Variants in KDM7A observed in about 807,000 individuals in gnomAD.
The protein encoded by KDM7A is lysine demethylase 7A.
KDM7A carries 28 observed loss-of-function variants against 114.8 expected under a neutral mutation model. The observed-to-expected ratio is 0.24, with a 90% confidence interval of 0.18 to 0.33. KDM7A has a LOEUF of 0.33. Ranked by LOEUF, KDM7A falls within the 10% of genes least tolerant of loss-of-function variation. The pLI, the probability that KDM7A is intolerant of heterozygous loss-of-function variation, is 1.00. For synonymous variants in KDM7A, 423 were observed against 397.8 expected, an observed-to-expected ratio of 1.06 and a Z score of -0.75; for missense variants, 942 against 1,142.5, an observed-to-expected ratio of 0.82 and a Z score of 2.53.
At chr7:140,138,404 AAAGATTCTG>A (rs1319215310) in intron 2 of KDM7A, among the ~76,000 whole-genome samples, 11 of 152,212 alleles carry the variant, frequency 7.2e-5, no homozygotes, top group African/African-American at 2.4e-4. Flanking sequence ...AGCACCTGTA[AAAGATTCTG>A]AAGCATCTGT....
chr7:140,168,098 T>C (rs1794597946), intron 1 of KDM7A, among the ~76,000 whole-genome samples: 1 of 152,210 alleles, frequency 6.6e-6, no homozygotes, highest in Non-Finnish European at 1.5e-5. Context: ...ATTAAAAACA[T>C]GACAACACAT....
intron 1 of KDM7A, among the ~76,000 whole-genome samples, chr7:140,173,935 G>C (rs1194520193): frequency 6.6e-6 from 1 of 152,068 alleles, no homozygotes; most frequent in Admixed American, 6.6e-5. Flanking sequence ...AGGCCGAGGT[G>C]GGCGGATAAC....
chr7:140,139,059 C>G (rs759762722), intron 2 of KDM7A, 46 bp downstream of exon 2: 1 of 1,243,590 alleles, frequency 8.0e-7, no homozygotes, highest in Non-Finnish European at 1.2e-6. Context: ...TTTGAAATGT[C>G]AGTTTTTCTG....
intron 3 of KDM7A, among the ~76,000 whole-genome samples, chr7:140,133,302 A>G (rs1818819258): frequency 6.6e-6 from 1 of 152,206 alleles, no homozygotes; most frequent in African/African-American, 2.4e-5. Flanking sequence ...TTACAGGGTG[A>G]CCCAGTGTGC....
At chr7:140,154,577 C>T (rs145480628) in intron 1 of KDM7A, among the ~76,000 whole-genome samples, 3 of 151,146 alleles carry the variant, frequency 2.0e-5, no homozygotes, top group Admixed American at 2.0e-4. Flanking sequence ...TTCCACAGTT[C>T]GTAAGAGAAA....
rs181168200 is a variant in KDM7A at position 140,134,911 on chromosome 7, G to A, written c.281-1255C>T. Among the ~76,000 whole-genome samples, 11 of 151,552 alleles carry A rather than the reference G, an allele frequency of 7.3e-5. No homozygotes were observed. The East Asian group carries it at 1.2e-3, about 16-fold the overall frequency. On this transcript the variant is annotated intron_variant, in intron 2 of 19. Coordinates refer to ENST00000397560, the MANE Select transcript of KDM7A (RefSeq NM_030647.2). ...TACAACAACATTGGGTCCTCATGTC[G>A]ATAAGAAGTCACAATAATTAACAGA...
intron 3 of KDM7A, among the ~76,000 whole-genome samples, chr7:140,131,375 T>C (rs569565755): frequency 5.3e-5 from 8 of 152,302 alleles, no homozygotes; most frequent in African/African-American, 1.9e-4. Flanking sequence ...AGTGTGACAC[T>C]TGCCTTAAAG....
chr7:140,107,348 T>C (rs1818355222), intron 11 of KDM7A, among the ~76,000 whole-genome samples: 1 of 152,240 alleles, frequency 6.6e-6, no homozygotes, highest in Admixed American at 6.5e-5. Context: ...TGTTAGTTGG[T>C]GCAGTTTCTT....
At chr7:140,158,663 A>C (rs904095067) in intron 1 of KDM7A, among the ~76,000 whole-genome samples, 4 of 152,228 alleles carry the variant, frequency 2.6e-5, no homozygotes, top group African/African-American at 9.6e-5. Flanking sequence ...TGAGCGCTGG[A>C]AAAACTACTG....
At chr7:140,100,701 T>TACAC (rs1818197333) in intron 12 of KDM7A, among the ~76,000 whole-genome samples, 1 of 36,464 alleles carries the variant, frequency 2.7e-5, no homozygotes, top group Non-Finnish European at 6.0e-5. Context: ...TATATATATA[T>TACAC]ATATATACAC....
intron 11 of KDM7A, among the ~76,000 whole-genome samples, chr7:140,102,398 G>T (rs1818245815): frequency 6.7e-6 from 1 of 149,874 alleles, no homozygotes; most frequent in Admixed American, 6.6e-5. Context: ...TTTGACACAG[G>T]GTCTCGCTCT....
intron 3 of KDM7A, among the ~76,000 whole-genome samples, chr7:140,130,022 A>T (rs1818760585): frequency 6.6e-6 from 1 of 152,222 alleles, no homozygotes; most frequent in South Asian, 2.1e-4. Context: ...TGAAGAGCTC[A>T]CTGGAGCATT....
intron 7 of KDM7A, among the ~76,000 whole-genome samples, chr7:140,123,614 G>T (rs536371997): frequency 1.3e-5 from 2 of 152,220 alleles, no homozygotes; most frequent in Admixed American, 1.3e-4. Context: ...AAATGCCTCA[G>T]TAAGCATTTC....
At chr7:140,119,999 A>G (rs1483878324) in intron 8 of KDM7A, among the ~76,000 whole-genome samples, 2 of 152,220 alleles carry the variant, frequency 1.3e-5, no homozygotes, top group African/African-American at 4.8e-5. Context: ...GCAAAGGTCA[A>G]ATTCTCATAT....
rs1362372611 is a variant in KDM7A at position 140,176,470 on chromosome 7, C to T, written c.194+274G>A. On this transcript the variant is annotated intron_variant, in intron 1 of 19. Coordinates refer to ENST00000397560, the MANE Select transcript of KDM7A (RefSeq NM_030647.2). The surrounding 1 kb of genome is among the most constrained non-coding windows in gnomAD (Gnocchi z 4.4). ...CGCGTCCCCTCGCCCCAGGCTCCCC[C>T]TGCCAACTTATCCGCCGGCCCTCTT... is the stretch of plus-strand genomic sequence containing the variant. 6.8e-6 allele frequency among the ~76,000 whole-genome samples: 1 copy of T among 146,628 alleles called. No homozygotes were observed. The highest frequency in any genetic ancestry group is 2.0e-4 in the East Asian group (1 of 5,046).
chr7:140,152,806 C>T (rs1319065032), intron 1 of KDM7A, among the ~76,000 whole-genome samples: 1 of 152,140 alleles, frequency 6.6e-6, no homozygotes, highest in Non-Finnish European at 1.5e-5. Context: ...AACCTATTCA[C>T]ATGTTGGATC....
At chr7:140,162,237 A>C (rs546413281) in intron 1 of KDM7A, among the ~76,000 whole-genome samples, 58 of 152,208 alleles carry the variant, frequency 3.8e-4, no homozygotes, top group African/African-American at 1.3e-3. Context: ...CGGGAGGCTA[A>C]GGCAGGAGAA....
Position 140,090,272 on chromosome 7 carries a change from G to A in KDM7A, c.*822C>T, listed in dbSNP as rs1487041223. The A allele has an allele frequency of 6.6e-6, 1 of 151,994 alleles. No individual in the cohort carries two copies. 9.4% of individuals were successfully genotyped at this position (151,994 alleles called of 1,614,324 possible). On this transcript the variant is annotated 3_prime_UTR_variant, in exon 20 of 20. Coordinates refer to ENST00000397560, the MANE Select transcript of KDM7A (RefSeq NM_030647.2). ...TGAGAAGAAAATCACAATGTCAAACGAAATGAGAAATGAGGGATCTTTCAT... is the reference window on the plus strand; with the variant it reads ...TGAGAAGAAAATCACAATGTCAAACAAAATGAGAAATGAGGGATCTTTCAT...
chr7:140,124,365 AAT>A (rs1488939218), intron 7 of KDM7A, among the ~76,000 whole-genome samples: 3 of 152,196 alleles, frequency 2.0e-5, no homozygotes, highest in African/African-American at 7.2e-5. Context: ...TAAAAGGGTG[AAT>A]ATTGTGGTAT....
Sources: allele counts gnomAD v4.1 joint callset (sites outside exome capture counted in the v4.1 genomes callset), GRCh38; gene constraint gnomAD v4.1.1; non-coding constraint Gnocchi (gnomAD v3.1); transcripts MANE v1.5; gene names NCBI Gene and HGNC (gene_info 2026-07-23, HGNC 2026-07-21).